The following SETBP1 variants were observed in gnomAD, a reference collection of about 807,000 sequenced individuals.
The protein encoded by SETBP1 is SET-binding protein.
In SETBP1, 9 loss-of-function variants were observed where a neutral mutation model predicts 101.0. That is an observed-to-expected ratio of 0.09 (90% CI 0.05 to 0.16). The LOEUF (loss-of-function observed/expected upper bound fraction) is 0.16, where lower values mean the gene tolerates loss of function less well. SETBP1 is among the 10% of genes least tolerant of loss of function. The probability of loss-of-function intolerance (pLI) is 1.00; values close to 1 mark genes in which losing one functional copy is unlikely to be tolerated. For missense variants in SETBP1, 1,858 were observed against 2,033.8 expected (o/e 0.91, Z 1.66); for synonymous variants, 818 against 788.5 (o/e 1.04, Z -0.63).
At chr18:44,852,270 T>C (rs2031535434) in intron 2 of SETBP1, among the ~76,000 whole-genome samples, 1 of 152,196 alleles carries the variant, frequency 6.6e-6, no homozygotes, top group Non-Finnish European at 1.5e-5. Flanking sequence ...TAAGGCAACT[T>C]GCATGAGCCC....
chr18:44,804,837 A>T (rs577907418), intron 2 of SETBP1, among the ~76,000 whole-genome samples: 25 of 151,722 alleles, frequency 1.6e-4, no homozygotes, highest in African/African-American at 5.8e-4. Context: ...CGTTTCTTAC[A>T]CTCTCATGGT....
chr18:44,913,301 G>A (rs1454246720), intron 3 of SETBP1, among the ~76,000 whole-genome samples: 2 of 152,220 alleles, frequency 1.3e-5, no homozygotes, highest in Non-Finnish European at 2.9e-5. Flanking sequence ...GGACTGGTGA[G>A]GCAGTTTCAT....
intron 3 of SETBP1, among the ~76,000 whole-genome samples, chr18:44,945,550 CA>C (rs1318086725): frequency 6.6e-6 from 1 of 152,114 alleles, no homozygotes; most frequent in Non-Finnish European, 1.5e-5. Context: ...ATTTCACAAA[CA>C]ATCAACTCTT....
At position 44,866,369 on chromosome 18, in the gene SETBP1, A is replaced by G. The variant is rs571040388; in HGVS notation, c.487-2861A>G. 3.3e-5 allele frequency among the ~76,000 whole-genome samples: 5 copies of G among 152,312 alleles called. No homozygotes were observed. The South Asian group carries it at 1.0e-3, about 32-fold the overall frequency. On this transcript the variant is annotated intron_variant, in intron 2 of 5. Coordinates refer to ENST00000649279, the MANE Select transcript of SETBP1 (RefSeq NM_015559.3). Reference sequence around the variant, plus strand: ...ACACTTCTGTTCTCTAGGCTCAGCAATTTAGGTATTCTGGTCCTCACCTCT... The same window carrying G: ...ACACTTCTGTTCTCTAGGCTCAGCAGTTTAGGTATTCTGGTCCTCACCTCT...
At chr18:44,940,971 T>C (rs1009094411) in intron 3 of SETBP1, among the ~76,000 whole-genome samples, 1 of 152,126 alleles carries the variant, frequency 6.6e-6, no homozygotes, top group Non-Finnish European at 1.5e-5. Flanking sequence ...TTTTAAAGAA[T>C]ATTTTCGCTG....
intron 4 of SETBP1, among the ~76,000 whole-genome samples, chr18:44,958,989 C>CA (rs758959327): frequency 9.3e-5 from 14 of 151,046 alleles, no homozygotes; most frequent in East Asian, 5.8e-4. Flanking sequence ...AGCAACGTAA[C>CA]AAAAAAAAAT....
At chr18:45,054,189 T>C (rs1468972348) in intron 5 of SETBP1, among the ~76,000 whole-genome samples, 1 of 151,730 alleles carries the variant, frequency 6.6e-6, no homozygotes, top group African/African-American at 2.4e-5. Flanking sequence ...AGGAAGCCAC[T>C]AATTTTTTTT....
intron 2 of SETBP1, among the ~76,000 whole-genome samples, chr18:44,822,636 C>G (rs2072136735): frequency 6.6e-6 from 1 of 152,210 alleles, no homozygotes. Flanking sequence ...ATTAGCCTCA[C>G]TCTTCAACTG....
At chr18:44,940,455 G>A (rs1475517724) in intron 3 of SETBP1, among the ~76,000 whole-genome samples, 7 of 151,302 alleles carry the variant, frequency 4.6e-5, no homozygotes. Flanking sequence ...CTTTTTTTCT[G>A]CTCTCTTTTA....
chr18:44,838,542 G>A (rs938387134), intron 2 of SETBP1, among the ~76,000 whole-genome samples: 1 of 152,198 alleles, frequency 6.6e-6, no homozygotes, highest in South Asian at 2.1e-4. Context: ...CCAAAGCTAG[G>A]TAGCCCTTGG....
At chr18:44,963,341 A>ACATC (rs2071651899) in intron 4 of SETBP1, among the ~76,000 whole-genome samples, 5 of 152,166 alleles carry the variant, frequency 3.3e-5, no homozygotes, top group African/African-American at 4.8e-5. Context: ...GCTCTTTGGA[A>ACATC]CTGGGGTTAG....
intron 2 of SETBP1, among the ~76,000 whole-genome samples, chr18:44,759,431 A>G (rs76394856): frequency 2.3e-3 from 355 of 152,296 alleles, no homozygotes; most frequent in African/African-American, 7.9e-3. Flanking sequence ...TTCCGGGTCT[A>G]ACTGGCTTTT....
At chr18:45,001,051 C>CTCAT (rs368947272) in intron 4 of SETBP1, among the ~76,000 whole-genome samples, 73 of 152,192 alleles carry the variant, frequency 4.8e-4, no homozygotes, top group South Asian at 1.2e-3. Context: ...CATCCATTTG[C>CTCAT]TCATTCATTC....
At chr18:44,877,183 C>A in intron 3 of SETBP1, 2 of 884,056 alleles carry the variant, frequency 2.3e-6, no homozygotes, top group Non-Finnish European at 2.7e-6. Flanking sequence ...TGTCGCTGGT[C>A]CACCATGGGA....
At chr18:44,782,933 G>T (rs1025270054) in intron 2 of SETBP1, among the ~76,000 whole-genome samples, 7 of 152,030 alleles carry the variant, frequency 4.6e-5, no homozygotes, top group African/African-American at 1.7e-4. Context: ...TAATTTTTGG[G>T]GGTACGTAGT....
rs997980888 is a variant in SETBP1, at chr18:44,948,151, T to A, written c.541-1730T>A. On this transcript the variant is annotated intron_variant, in intron 3 of 5. Transcript: ENST00000649279. The stretch of plus-strand genomic sequence containing the variant: ...ATTCTCTATATGTTGTTGATGGTGG[T>A]GTTTCTACTATAAGTTGCAAGATGA... Among the ~76,000 whole-genome samples, 11 of 152,242 alleles carry A rather than the reference T, an allele frequency of 7.2e-5. No individual in the cohort carries two copies. In the East Asian group the frequency reaches 2.1e-3, roughly 29 times the overall value.
intron 3 of SETBP1, among the ~76,000 whole-genome samples, chr18:44,910,854 G>A (rs543622437): frequency 1.1e-4 from 16 of 152,254 alleles, no homozygotes; most frequent in African/African-American, 3.8e-4. Context: ...ATGTGTTCAA[G>A]TGTACAGGCC....
rs1310546601 is a variant in SETBP1 at position 45,068,143 on chromosome 18, T to A, written c.*4445T>A. Reference sequence around the variant, plus strand: ...TGTAATTTGCATGTTCTACTTTGATTGTATGTAAACATATTTTAGAACAAA... The same window carrying A: ...TGTAATTTGCATGTTCTACTTTGATAGTATGTAAACATATTTTAGAACAAA... On this transcript the variant is annotated 3_prime_UTR_variant, in exon 6 of 6. Coordinates refer to ENST00000649279, the MANE Select transcript of SETBP1 (RefSeq NM_015559.3). 7 of 152,234 alleles carry A rather than the reference T, an allele frequency of 4.6e-5. No individual in the cohort carries two copies. The highest frequency in any genetic ancestry group is 1.5e-5 in the Non-Finnish European group (1 of 68,034). The allele number at this position is 152,234 out of a possible 1,614,324, so 9.4% of individuals were successfully genotyped here.
chr18:44,862,802 G>A (rs768081472), intron 2 of SETBP1, among the ~76,000 whole-genome samples: 1 of 152,232 alleles, frequency 6.6e-6, no homozygotes, highest in Non-Finnish European at 1.5e-5. Flanking sequence ...GGACAGAGGA[G>A]ATGGTGTCCC....
Sources: allele counts gnomAD v4.1 joint callset (sites outside exome capture counted in the v4.1 genomes callset), GRCh38; gene constraint gnomAD v4.1.1; transcripts MANE v1.5; gene names NCBI Gene and HGNC (gene_info 2026-07-23, HGNC 2026-07-21).